Variants in ADGRL2 observed in about 807,000 individuals in gnomAD.
ADGRL2 encodes calcium-independent alpha-latrotoxin receptor 2.
A neutral mutation model predicts 157.4 loss-of-function variants in ADGRL2; 44 were observed. The ratio of observed to expected loss-of-function variants is 0.28; its 90% CI spans 0.22 to 0.36. The LOEUF is 0.36. Among genes scored for constraint, ADGRL2 ranks in the 10% least tolerant of loss-of-function variants. The pLI is 1.00. For missense variants in ADGRL2, 1,510 were observed against 1,768.9 expected, an observed-to-expected ratio of 0.85 and a Z score of 2.63; for synonymous variants, 585 against 624.7, an observed-to-expected ratio of 0.94 and a Z score of 0.95.
intron 2 of ADGRL2, among the ~76,000 whole-genome samples, chr1:81,850,927 A>G (rs1478710672): frequency 6.6e-6 from 1 of 151,908 alleles, no homozygotes; most frequent in Non-Finnish European, 1.5e-5. Flanking sequence ...GTGCTTAGGC[A>G]TTCAAAACTA....
chr1:81,768,434 T>C (rs1381773211), intron 2 of ADGRL2, among the ~76,000 whole-genome samples: 3 of 151,996 alleles, frequency 2.0e-5, no homozygotes, highest in African/African-American at 7.2e-5. Flanking sequence ...GAGCACCTTT[T>C]CTCATTTTGC....
rs773321489 is a variant in ADGRL2 at position 81,468,501 on chromosome 1, G to T, written c.-248+23412G>T. 4.4e-4 allele frequency among the ~76,000 whole-genome samples: 67 copies of T among 152,164 alleles called. 1 individual carries two copies. Among genetic ancestry groups the T allele is most frequent in the Non-Finnish European group, 7.5e-4 (51 of 68,016 alleles). On this transcript the variant is annotated intron_variant, in intron 2 of 24. Coordinates refer to the ADGRL2 transcript ENST00000370721. The stretch of plus-strand genomic sequence containing the variant: ...ATAAAAGTTGATTTCTTATGGAAAA[G>T]AAGTTTTCTGTGACAACAATGAATA...
intron 1 of ADGRL2, among the ~76,000 whole-genome samples, chr1:81,390,289 C>A (rs184705153): frequency 8.5e-5 from 13 of 152,134 alleles, no homozygotes; most frequent in Non-Finnish European, 1.8e-4. Flanking sequence ...TGTTGAAAAA[C>A]GTAAAAGAGT....
chr1:81,500,403 A>G (rs921299239), intron 2 of ADGRL2, among the ~76,000 whole-genome samples: 4 of 152,196 alleles, frequency 2.6e-5, no homozygotes, highest in Admixed American at 2.0e-4. Flanking sequence ...AGTAACCCAA[A>G]TGTTCATCTA....
chr1:81,572,984 A>T (rs2080726005), intron 2 of ADGRL2, among the ~76,000 whole-genome samples: 1 of 151,584 alleles, frequency 6.6e-6, no homozygotes, highest in African/African-American at 2.4e-5. Context: ...AAATATTACC[A>T]ATAACAATTT....
At chr1:81,642,283 T>A (rs11163347) in intron 3 of ADGRL2, among the ~76,000 whole-genome samples, 91,299 of 147,032 alleles carry the variant, frequency 0.62, 28,926 homozygotes, top group Non-Finnish European at 0.68. Flanking sequence ...AGCCAGGCAT[T>A]GTGGTGCATG....
intron 2 of ADGRL2, among the ~76,000 whole-genome samples, chr1:81,889,328 CACATAGATGATAAGAAAGTGAA>C (rs1159559978): frequency 1.3e-5 from 2 of 152,184 alleles, no homozygotes; most frequent in African/African-American, 4.8e-5. Context: ...CTTCAGTGAA[CACATAGATGATAAGAAAGTGAA>C]ACAGCTTTTG....
intron 2 of ADGRL2, among the ~76,000 whole-genome samples, chr1:81,873,905 G>A (rs2093762189): frequency 6.6e-6 from 1 of 152,080 alleles, no homozygotes; most frequent in African/African-American, 2.4e-5. Flanking sequence ...TCTGATGGTT[G>A]AAAGATGAAA....
intron 2 of ADGRL2, chr1:81,505,146 C>T (rs2078943794): frequency 8.6e-6 from 4 of 467,748 alleles, no homozygotes; most frequent in South Asian, 5.6e-5. Flanking sequence ...TAAGCTGCAG[C>T]TCTGCTCAAC....
At chr1:81,669,541 G>C (rs2082823446) in intron 3 of ADGRL2, among the ~76,000 whole-genome samples, 1 of 152,146 alleles carries the variant, frequency 6.6e-6, no homozygotes, top group Non-Finnish European at 1.5e-5. Flanking sequence ...TCCTCATGAA[G>C]CTTATAATCT....
intron 2 of ADGRL2, among the ~76,000 whole-genome samples, chr1:81,876,784 AATT>A (rs1571858233): frequency 6.6e-6 from 1 of 152,164 alleles, no homozygotes; most frequent in Non-Finnish European, 1.5e-5. Context: ...ACTAGAGAAA[AATT>A]ATTAAGATTT....
rs2077830666 is a variant in ADGRL2, at chr1:81,457,454, C to A, written c.-248+12365C>A. ...TATTGTTTCTGAAAATTTTTCTTTT[C>A]TTTTTTAGTAGTGTTATCTATTCTT... On this transcript the variant is annotated intron_variant, in intron 2 of 24. Coordinates refer to the ADGRL2 transcript ENST00000370721. 2.0e-5 allele frequency among the ~76,000 whole-genome samples: 3 copies of A among 151,998 alleles called. No individual in the cohort carries two copies. In the South Asian group the frequency reaches 6.2e-4, roughly 32 times the overall value.
intron 3 of ADGRL2, among the ~76,000 whole-genome samples, chr1:81,925,535 G>A (rs972099157): frequency 2.0e-5 from 3 of 148,176 alleles, no homozygotes; most frequent in Admixed American, 6.8e-5. Flanking sequence ...GTAATGAATA[G>A]CAGTGTTTTC....
At chr1:81,691,456 A>C (rs538552531) in intron 3 of ADGRL2, among the ~76,000 whole-genome samples, 2 of 152,170 alleles carry the variant, frequency 1.3e-5, no homozygotes, top group South Asian at 4.2e-4. Flanking sequence ...TTTTGATTGC[A>C]TATACCAATA....
At chr1:81,540,415 T>C (rs1557441951) in intron 2 of ADGRL2, among the ~76,000 whole-genome samples, 1 of 152,192 alleles carries the variant, frequency 6.6e-6, no homozygotes, top group Non-Finnish European at 1.5e-5. Context: ...CAGAGCAAGA[T>C]TGGCACAGTG....
chr1:81,495,749 A>G (rs1477371668), intron 2 of ADGRL2, among the ~76,000 whole-genome samples: 1 of 152,200 alleles, frequency 6.6e-6, no homozygotes, highest in Admixed American at 6.5e-5. Context: ...TTGAGAAAAT[A>G]TTTCAGAAGT....
chr1:81,439,290 T>C (rs1394730601), intron 1 of ADGRL2, among the ~76,000 whole-genome samples: 2 of 152,186 alleles, frequency 1.3e-5, no homozygotes, highest in South Asian at 2.1e-4. Context: ...ACCCAAGAGG[T>C]ATTACAGCAT....
intron 3 of ADGRL2, among the ~76,000 whole-genome samples, chr1:81,654,147 C>T (rs562217522): frequency 1.1e-3 from 165 of 152,136 alleles, no homozygotes; most frequent in African/African-American, 3.3e-3. Context: ...GATTTCACCA[C>T]GTTGGCCAGG....
chr1:81,822,548 G>A lies in ADGRL2; in HGVS notation c.-100-14337G>A, dbSNP rs77642034. Among the ~76,000 whole-genome samples, 21 of 151,252 alleles carry A rather than the reference G, an allele frequency of 1.4e-4. No individual in the cohort carries two copies. The East Asian group carries it at 3.1e-3, about 22-fold the overall frequency. On this transcript the variant is annotated intron_variant, in intron 1 of 23. Transcript: ENST00000686636. ...TTCTTTTTAATATGAGGTCTTGCTC[G>A]GTCATCTAGGCTATAGTGCAGTGGT...
Sources: allele counts gnomAD v4.1 joint callset (sites outside exome capture counted in the v4.1 genomes callset), GRCh38; gene constraint gnomAD v4.1.1; transcripts MANE v1.5; gene names NCBI Gene and HGNC (gene_info 2026-07-23, HGNC 2026-07-21).